Variants in SBNO1 observed in about 807,000 individuals in gnomAD.
SBNO1 encodes protein strawberry notch homolog 1.
SBNO1 carries 23 observed loss-of-function variants against 173.6 expected under a neutral mutation model. The observed-to-expected ratio is 0.13, with a 90% CI of 0.10 to 0.19. The LOEUF (loss-of-function observed/expected upper bound fraction) is 0.19, where lower values mean the gene tolerates loss of function less well. SBNO1 is among the 10% of genes least tolerant of loss of function. The probability of loss-of-function intolerance (pLI) is 1.00; values close to 1 mark genes in which losing one functional copy is unlikely to be tolerated. For synonymous variants in SBNO1, 632 were observed against 571.5 expected, an observed-to-expected ratio of 1.11 and a Z score of -1.51; for missense variants, 1,238 against 1,671.2, an observed-to-expected ratio of 0.74 and a Z score of 4.52.
At chr12:123,322,449 C>T (rs1298052583) in intron 16 of SBNO1, among the ~76,000 whole-genome samples, 3 of 152,146 alleles carry the variant, frequency 2.0e-5, no homozygotes, top group Non-Finnish European at 2.9e-5. Flanking sequence ...GCGCCCCTGC[C>T]GCCAGTCCTG....
Position 123,320,007 on chromosome 12 carries a change from C to T in SBNO1, c.2692G>A (p.Val898Met), listed in dbSNP as rs1451046552. The T allele has an allele frequency of 6.2e-7, 1 of 1,614,102 alleles. No homozygotes were observed. The highest frequency in any genetic ancestry group is 8.5e-7 in the Non-Finnish European group (1 of 1,179,994). ...GATATGCTTCCATCATCATTGCTCA[C>T]AACCCGTCCCTTGCGGCCAGTCATC... ...AEMTGRKGRV[V>M]SNDDGSISYE... The change falls in exon 20 of 32, where the codon GTG (valine) becomes ATG (methionine). Residue 898 changes from valine to methionine, a missense_variant. Around this residue, in one of 14 missense-constraint regions of SBNO1, gnomAD observed 45 missense variants for 85.5 expected, o/e 0.53. Transcript: ENST00000602398.
chr12:123,310,974 C>T (rs879042824), intron 25 of SBNO1, 81 bp downstream of exon 25: 1 of 1,054,686 alleles, frequency 9.5e-7, no homozygotes, highest in South Asian at 1.3e-5. Flanking sequence ...GAAGCTTCCC[C>T]TTCAGCTCAA....
At position 123,293,783 on chromosome 12, in the gene SBNO1, C is replaced by T. The variant is rs915122536; in HGVS notation, c.*2125G>A. ...AAAACGCCATAAAAAACTAAGATGC[C>T]CTCATACACAGAAAAGAGGAGTTGG... On this transcript the variant is annotated 3_prime_UTR_variant, in exon 32 of 32. Transcript: ENST00000602398. 2 of 152,104 alleles carry T rather than the reference C, an allele frequency of 1.3e-5. No individual in the cohort carries two copies. The highest frequency in any genetic ancestry group is 2.4e-5 in the African/African-American group (1 of 41,418). 9.4% of individuals were successfully genotyped at this position (152,104 alleles called of 1,614,324 possible).
chr12:123,340,628 T>C (rs1168842953), intron 5 of SBNO1, among the ~76,000 whole-genome samples: 3 of 150,768 alleles, frequency 2.0e-5, no homozygotes, highest in African/African-American at 7.3e-5. Context: ...ACCAGATCAT[T>C]ATATGATCTG....
In SBNO1 at chr12:123,291,621, G is replaced by C. The variant is rs1408549989; in HGVS notation, c.*4287C>G. On this transcript the variant is annotated 3_prime_UTR_variant, in exon 32 of 32. Transcript: ENST00000602398. Reference sequence around the variant, plus strand: ...AATTCTACAGCAAAGATGCAAAACTGAATTCTAAAATACAGGAACAAATAC... The same window carrying C: ...AATTCTACAGCAAAGATGCAAAACTCAATTCTAAAATACAGGAACAAATAC... The C allele has an allele frequency of 7.1e-6, 1 of 141,762 alleles. No homozygotes were observed. The highest frequency in any genetic ancestry group is 1.5e-5 in the Non-Finnish European group (1 of 65,656). 8.8% of individuals were successfully genotyped at this position (141,762 alleles called of 1,614,324 possible).
intron 30 of SBNO1, 27 bp from the exon 31 acceptor site, chr12:123,298,198 ATGAG>A (rs1398922271): frequency 1.9e-6 from 3 of 1,595,262 alleles, no homozygotes; most frequent in Non-Finnish European, 2.6e-6. Flanking sequence ...AGAAATACAT[ATGAG>A]TGTCTATATA....
rs971014135 is a variant in SBNO1 at position 123,361,038 on chromosome 12, G to A, written c.-1+3663C>T. On this transcript the variant is annotated intron_variant, in intron 1 of 31. Coordinates refer to ENST00000602398, the MANE Select transcript of SBNO1 (RefSeq NM_001167856.3). The stretch of plus-strand genomic sequence containing the variant: ...AGGCAGGCGGATCACGAGATCAAGA[G>A]ATTGAAACAATCCTGGTCAAAATGG... Among the ~76,000 whole-genome samples, 4 of 152,134 alleles carry A rather than the reference G, an allele frequency of 2.6e-5. 1 individual carries two copies. Among genetic ancestry groups the A allele is most frequent in the Non-Finnish European group, 5.9e-5 (4 of 68,034 alleles).
chr12:123,334,328 A>G (rs1871577605), intron 6 of SBNO1, 115 bp from the exon 7 acceptor site: 1 of 677,222 alleles, frequency 1.5e-6, no homozygotes, highest in East Asian at 3.0e-5. Flanking sequence ...ATTAAAAAGT[A>G]TTCACTCTGA....
intron 16 of SBNO1, among the ~76,000 whole-genome samples, chr12:123,322,022 C>G (rs1870035642): frequency 6.6e-6 from 1 of 152,200 alleles, no homozygotes; most frequent in Non-Finnish European, 1.5e-5. Flanking sequence ...AGAGTAAAAG[C>G]AGAACCTCTG....
intron 30 of SBNO1, 117 bp from the exon 31 acceptor site, chr12:123,298,288 T>TG (rs2048671581): frequency 3.7e-6 from 4 of 1,085,424 alleles, no homozygotes; most frequent in Non-Finnish European, 5.2e-6. Context: ...TTTGTTGAGA[T>TG]GGAGTTTTGC....
chr12:123,363,450 C>T (rs894371826), intron 1 of SBNO1, among the ~76,000 whole-genome samples: 1 of 152,176 alleles, frequency 6.6e-6, no homozygotes, highest in African/African-American at 2.4e-5. Flanking sequence ...GATGACAGTT[C>T]TCTGCACCCT....
chr12:123,321,195 T>TC (rs924125522), intron 17 of SBNO1, among the ~76,000 whole-genome samples: 1 of 152,112 alleles, frequency 6.6e-6, no homozygotes, highest in Non-Finnish European at 1.5e-5. Context: ...CACCTTAGCC[T>TC]CCCAAATTGC....
rs1417553973 is a variant in SBNO1, at chr12:123,292,138, G to C, written c.*3770C>G. ...ACGCACAGGTGTGGTGTTAGCCAGG[G>C]AGACCGAAGCCACACAGAAGGGGAG... On this transcript the variant is annotated 3_prime_UTR_variant, in exon 32 of 32. Transcript: ENST00000602398. The C allele has an allele frequency of 6.6e-6, 1 of 152,118 alleles. No homozygotes were observed. Among genetic ancestry groups the C allele is most frequent in the Non-Finnish European group, 1.5e-5 (1 of 68,040 alleles). 9.4% of individuals were successfully genotyped at this position (152,118 alleles called of 1,614,324 possible). A position where few individuals can be genotyped will look rare whatever the true frequency, so the allele number is the denominator to read the frequency against.
chr12:123,326,325 C>A lies in SBNO1; in HGVS notation c.1702G>T (p.Ala568Ser). Residue 568 changes from alanine to serine, a missense_variant, in exon 14 of 32, where the codon GCC becomes TCC. By Grantham distance (99) the Ala-to-Ser change is moderately conservative. Transcript: ENST00000602398. ...GCAGCTTGCTGAAACCGCTCTCTGG[C>A]GATGACCCACTGAAGATACATAATC... ...YNKAVKLWVI[A>S]RERFQQAADL... The A allele has an allele frequency of 6.3e-7, 1 of 1,599,242 alleles. No homozygotes were observed. Among genetic ancestry groups the A allele is most frequent in the Non-Finnish European group, 8.5e-7 (1 of 1,172,414 alleles).
At position 123,348,106 on chromosome 12, in the gene SBNO1, C is replaced by T. The variant is rs776054993; in HGVS notation, c.160G>A (p.Gly54Ser). ...QSVPLSALELGLETEAAVPVK... is the reference protein window; with the variant it reads ...QSVPLSALELSLETEAAVPVK... ...GGAACTGCTGCTTCGGTCTCCAAACCTAGTTCTAATGCACTAAGTGGCACT... is the reference window on the plus strand; with the variant it reads ...GGAACTGCTGCTTCGGTCTCCAAACTTAGTTCTAATGCACTAAGTGGCACT... The change falls in exon 3 of 32, where the codon GGT (glycine) becomes AGT (serine). Residue 54 changes from glycine (G) to serine (S), a missense_variant. This residue lies in a region of SBNO1 where 287 missense variants were observed against 274.1 expected (regional missense o/e 1.05). Coordinates refer to ENST00000602398, the MANE Select transcript of SBNO1 (RefSeq NM_001167856.3). The T allele has an allele frequency of 1.9e-6, 3 of 1,611,238 alleles. No individual in the cohort carries two copies. In the Admixed American group the frequency reaches 5.0e-5, roughly 27 times the overall value.
At chr12:123,328,428 C>A (rs1870828499) in intron 10 of SBNO1, among the ~76,000 whole-genome samples, 2 of 152,138 alleles carry the variant, frequency 1.3e-5, no homozygotes, top group African/African-American at 4.8e-5. Flanking sequence ...TAACAGTTTT[C>A]TTTCACTTAG....
chr12:123,333,472 T>C (rs373552406), intron 7 of SBNO1, among the ~76,000 whole-genome samples: 9 of 152,132 alleles, frequency 5.9e-5, no homozygotes, highest in Admixed American at 4.6e-4. Flanking sequence ...CTCCTAGGAA[T>C]GGGTATATAT....
intron 30 of SBNO1, among the ~76,000 whole-genome samples, chr12:123,300,552 G>A (rs964957857): frequency 6.6e-6 from 1 of 152,144 alleles, no homozygotes; most frequent in Non-Finnish European, 1.5e-5. Flanking sequence ...CAGCTACTCA[G>A]GAGGCTGAGG....
intron 21 of SBNO1, among the ~76,000 whole-genome samples, chr12:123,316,708 T>C (rs1323561117): frequency 6.8e-6 from 1 of 148,138 alleles, no homozygotes; most frequent in Non-Finnish European, 1.5e-5. Flanking sequence ...TTCTTCTTTT[T>C]TTTTTTTTTT....
Sources: allele counts gnomAD v4.1 joint callset (sites outside exome capture counted in the v4.1 genomes callset), GRCh38; gene constraint gnomAD v4.1.1; regional missense constraint gnomAD v4.1.1; transcripts MANE v1.5; gene names NCBI Gene and HGNC (gene_info 2026-07-23, HGNC 2026-07-21).